METAP1: variants seen among roughly 807,000 people sequenced by gnomAD.
The protein encoded by METAP1 is methionine aminopeptidase 1.
METAP1 carries 28 observed loss-of-function variants against 53.8 expected under a neutral mutation model. The observed-to-expected ratio is 0.52, with a 90% confidence interval of 0.39 to 0.71. The LOEUF is 0.71. Among genes scored for constraint, METAP1 ranks in the 30% least tolerant of loss-of-function variants. The probability of loss-of-function intolerance (pLI) is 0.00; values close to 1 mark genes in which losing one functional copy is unlikely to be tolerated. For synonymous variants in METAP1, 181 were observed against 165.7 expected (o/e 1.09, Z -0.71); for missense variants, 389 against 479.8 (o/e 0.81, Z 1.77).
chr4:99,053,463 G>A (rs1429006945), intron 9 of METAP1, among the ~76,000 whole-genome samples: 1 of 152,146 alleles, frequency 6.6e-6, no homozygotes, highest in Non-Finnish European at 1.5e-5. Context: ...GTGTTGCCCA[G>A]GCTGGTCTTG....
At chr4:99,032,145 C>T (rs1003073597) in intron 2 of METAP1, among the ~76,000 whole-genome samples, 2 of 151,866 alleles carry the variant, frequency 1.3e-5, no homozygotes, top group African/African-American at 2.4e-5. Context: ...GAGAGGAGAA[C>T]TTGCCATATT....
chr4:99,061,075 A>C, intron 10 of METAP1, 79 bp from the exon 11 acceptor site: 2 of 1,475,318 alleles, frequency 1.4e-6, no homozygotes, highest in Non-Finnish European at 1.8e-6. Flanking sequence ...TTAGTAGTGA[A>C]TTTTTTCCTT....
rs1225041820 is a variant in METAP1, at chr4:99,045,163, G to T, written c.656-16G>T. On this transcript the variant is annotated splice_polypyrimidine_tract_variant and intron_variant, in intron 7 of 10. Transcript: ENST00000296411. ...GAAAATAAGTATGGTCTTTATATTT[G>T]CACATTCTCTTGCAGTGGATATCAC... 12 of 1,609,792 alleles carry T rather than the reference G, an allele frequency of 7.5e-6. No homozygotes were observed. Among genetic ancestry groups the T allele is most frequent in the Non-Finnish European group, 9.3e-6 (11 of 1,177,386 alleles).
chr4:99,003,313 C>T (rs1350855202), intron 1 of METAP1, among the ~76,000 whole-genome samples: 3 of 152,198 alleles, frequency 2.0e-5, no homozygotes, highest in Admixed American at 6.5e-5. Context: ...AAGTACAAAA[C>T]GCAAACCAAT....
intron 1 of METAP1, among the ~76,000 whole-genome samples, chr4:99,016,163 A>G (rs1723753976): frequency 6.6e-6 from 1 of 152,198 alleles, no homozygotes; most frequent in Non-Finnish European, 1.5e-5. Context: ...AAGGGAAGAA[A>G]AAGTAGAGGA....
intron 1 of METAP1, among the ~76,000 whole-genome samples, chr4:98,999,106 CGA>C (rs1301722918): frequency 3.9e-4 from 59 of 152,154 alleles, no homozygotes; most frequent in Non-Finnish European, 6.6e-4. Context: ...CATGCCCGGC[CGA>C]GAATGTCTGT....
At chr4:99,053,839 TTTTCTC>T (rs1726901474) in intron 9 of METAP1, among the ~76,000 whole-genome samples, 1 of 151,732 alleles carries the variant, frequency 6.6e-6, no homozygotes, top group South Asian at 2.1e-4. Flanking sequence ...AAACGAATCT[TTTTCTC>T]TGAGCAGTAG....
At chr4:98,998,833 G>T (rs534142471) in intron 1 of METAP1, among the ~76,000 whole-genome samples, 1 of 149,800 alleles carries the variant, frequency 6.7e-6, no homozygotes, top group Non-Finnish European at 1.5e-5. Context: ...TTTTTGAGAC[G>T]GAGTTTCGCT....
intron 9 of METAP1, among the ~76,000 whole-genome samples, chr4:99,051,740 AATG>A (rs1189152001): frequency 3.9e-5 from 6 of 152,102 alleles, no homozygotes; most frequent in Non-Finnish European, 2.9e-5. Context: ...CAAAATATGC[AATG>A]ATCACTGTAG....
intron 1 of METAP1, chr4:99,022,159 G>A: frequency 3.0e-6 from 1 of 328,686 alleles, no homozygotes; most frequent in Non-Finnish European, 5.5e-6. Context: ...GGGGAATAGT[G>A]GAAGCCCACA....
intron 2 of METAP1, among the ~76,000 whole-genome samples, chr4:99,032,808 C>A (rs1725141934): frequency 6.6e-6 from 1 of 152,180 alleles, no homozygotes; most frequent in African/African-American, 2.4e-5. Context: ...ACCCAACTAG[C>A]AGTGAATGAA....
At chr4:99,031,103 T>TG (rs1328930424) in intron 2 of METAP1, among the ~76,000 whole-genome samples, 17 of 143,334 alleles carry the variant, frequency 1.2e-4, no homozygotes, top group African/African-American at 4.5e-4. Flanking sequence ...CAAAGGTAGT[T>TG]TTTTTTTTTT....
chr4:99,010,763 T>C (rs1443143315), intron 1 of METAP1, among the ~76,000 whole-genome samples: 3 of 152,370 alleles, frequency 2.0e-5, no homozygotes, highest in African/African-American at 4.8e-5. Context: ...TTGGGTAATA[T>C]TGATATCTTA....
At chr4:99,022,981 C>T in intron 1 of METAP1, 1 of 1,475,958 alleles carries the variant, frequency 6.8e-7, no homozygotes, top group African/African-American at 1.4e-5. Context: ...TGGGATATGG[C>T]CCAGGTACAC....
At chr4:99,055,760 G>A (rs1297652408) in intron 9 of METAP1, among the ~76,000 whole-genome samples, 3 of 152,252 alleles carry the variant, frequency 2.0e-5, no homozygotes, top group East Asian at 1.9e-4. Context: ...TGTTCTGGAC[G>A]GCAGAGTTCA....
At chr4:99,018,427 TC>T (rs1339167319) in intron 1 of METAP1, among the ~76,000 whole-genome samples, 1 of 152,194 alleles carries the variant, frequency 6.6e-6, no homozygotes, top group Non-Finnish European at 1.5e-5. Context: ...TTTCTAATAA[TC>T]CTATCTAGAG....
chr4:98,996,504 T>G (rs955807249), intron 1 of METAP1, among the ~76,000 whole-genome samples: 4 of 152,258 alleles, frequency 2.6e-5, no homozygotes, highest in African/African-American at 9.6e-5. Flanking sequence ...GGGAGAGGTC[T>G]GTGTAATTCA....
chr4:99,039,444 A>G lies in METAP1; in HGVS notation c.411A>G (p.Glu137=). 1 of 1,607,544 alleles carries G rather than the reference A, an allele frequency of 6.2e-7. No individual in the cohort carries two copies. The highest frequency in any genetic ancestry group is 8.5e-7 in the Non-Finnish European group (1 of 1,174,482). Residue 137 remains glutamate (E), a synonymous_variant, in exon 5 of 11, where the codon GAA becomes GAG. Transcript: ENST00000296411. ...QIKLLSSEDI[E]GMRLVCRLAR... is the part of the protein sequence containing the mutation. ...AATTACTCTCATCTGAAGATATAGAAGGGATGCGACTTGTATGTAGGGTAA... is the reference window on the plus strand; with the variant it reads ...AATTACTCTCATCTGAAGATATAGAGGGGATGCGACTTGTATGTAGGGTAA...
At chr4:99,018,110 A>G (rs769636311) in intron 1 of METAP1, among the ~76,000 whole-genome samples, 2 of 152,338 alleles carry the variant, frequency 1.3e-5, no homozygotes, top group Admixed American at 1.3e-4. Context: ...ATAAGAATCA[A>G]TCCATAATCT....
Sources: allele counts gnomAD v4.1 joint callset (sites outside exome capture counted in the v4.1 genomes callset), GRCh38; gene constraint gnomAD v4.1.1; transcripts MANE v1.5; gene names NCBI Gene and HGNC (gene_info 2026-07-23, HGNC 2026-07-21).